PPARGC1A: variants seen among roughly 807,000 people sequenced by gnomAD.
The protein encoded by PPARGC1A is PPARG coactivator 1 alpha.
PPARGC1A carries 25 observed loss-of-function variants against 88.7 expected under a neutral mutation model. The observed-to-expected ratio is 0.28, with a 90% CI of 0.21 to 0.39. The LOEUF (loss-of-function observed/expected upper bound fraction) is 0.39, where lower values mean the gene tolerates loss of function less well. Among genes scored for constraint, PPARGC1A ranks in the 10% least tolerant of loss-of-function variants. The probability of loss-of-function intolerance (pLI) is 1.00; values close to 1 mark genes in which losing one functional copy is unlikely to be tolerated. For missense variants in PPARGC1A, 880 were observed against 968.7 expected (o/e 0.91, Z 1.22); for synonymous variants, 363 against 355.6 (o/e 1.02, Z -0.24).
chr4:23,806,473 G>A lies in PPARGC1A; in HGVS notation c.2020-4128C>T, dbSNP rs59561456. Reference sequence around the variant, plus strand: ...AGGAAAAGAAATCAAAATGCTTAATGACATTTTCAACTTCTTAAAGGCTTG... The same window carrying A: ...AGGAAAAGAAATCAAAATGCTTAATAACATTTTCAACTTCTTAAAGGCTTG... On this transcript the variant is annotated intron_variant, in intron 10 of 12. Coordinates refer to ENST00000264867, the MANE Select transcript of PPARGC1A (RefSeq NM_013261.5). 7.7e-3 allele frequency among the ~76,000 whole-genome samples: 1,173 copies of A among 152,268 alleles called. 11 individuals carry two copies. Among genetic ancestry groups the A allele is most frequent in the African/African-American group, 0.024 (1,008 of 41,554 alleles).
At chr4:24,438,359 G>A in the PPARGC1A span, among the ~76,000 whole-genome samples, 1 of 152,214 alleles carries the variant, frequency 6.6e-6, no homozygotes, top group East Asian at 1.9e-4. Context: ...CAGAGGCGAG[G>A]GTATGATACT....
chr4:23,926,305 C>T, the PPARGC1A span, among the ~76,000 whole-genome samples: 1 of 152,166 alleles, frequency 6.6e-6, no homozygotes, highest in African/African-American at 2.4e-5. Context: ...CCAACCTCAG[C>T]TGCTTGCCTG....
the PPARGC1A span, among the ~76,000 whole-genome samples, chr4:24,466,710 T>A: frequency 4.6e-3 from 692 of 150,460 alleles, 3 homozygotes; most frequent in African/African-American, 0.016. Flanking sequence ...AGGTCAGGAG[T>A]TCGAGACCAG....
the PPARGC1A span, among the ~76,000 whole-genome samples, chr4:24,237,477 T>C: frequency 2.6e-5 from 4 of 152,208 alleles, no homozygotes; most frequent in South Asian, 2.1e-4. Flanking sequence ...TTAGTTGAGA[T>C]GGTGTTTAGG....
chr4:24,155,211 A>G, the PPARGC1A span, among the ~76,000 whole-genome samples: 1 of 151,858 alleles, frequency 6.6e-6, no homozygotes, highest in Non-Finnish European at 1.5e-5. Flanking sequence ...TTAAATGTCT[A>G]GCAAAATATA....
chr4:24,446,537 G>A, the PPARGC1A span, among the ~76,000 whole-genome samples: 2 of 151,824 alleles, frequency 1.3e-5, no homozygotes, highest in Non-Finnish European at 2.9e-5. Context: ...GTGTGCTAAC[G>A]GCCAGAGGAA....
chr4:24,081,692 T>C, the PPARGC1A span, among the ~76,000 whole-genome samples: 7 of 152,072 alleles, frequency 4.6e-5, no homozygotes, highest in African/African-American at 1.4e-4. Context: ...CACTCTTTTA[T>C]AGGAAGGGGA....
chr4:24,014,803 CTT>C, the PPARGC1A span, among the ~76,000 whole-genome samples: 1 of 152,180 alleles, frequency 6.6e-6, no homozygotes, highest in Non-Finnish European at 1.5e-5. Context: ...GATTACCTCT[CTT>C]TTGATTAACT....
the PPARGC1A span, among the ~76,000 whole-genome samples, chr4:24,271,883 C>T: frequency 2.6e-5 from 4 of 152,078 alleles, no homozygotes; most frequent in Non-Finnish European, 4.4e-5. Flanking sequence ...TTGAGATAGA[C>T]ATGTATGTAT....
At chr4:23,797,055 A>C (rs1011784009) in intron 12 of PPARGC1A, among the ~76,000 whole-genome samples, 1 of 152,004 alleles carries the variant, frequency 6.6e-6, no homozygotes, top group African/African-American at 2.4e-5. Flanking sequence ...ACCTTTACAT[A>C]CCTAGATTTA....
intron 2 of PPARGC1A, among the ~76,000 whole-genome samples, chr4:23,850,352 A>T (rs184251724): frequency 6.6e-6 from 1 of 152,204 alleles, no homozygotes. Context: ...ATTTTCTTTG[A>T]GCTTCTGTGA....
At chr4:24,012,620 A>C in the PPARGC1A span, among the ~76,000 whole-genome samples, 1 of 152,180 alleles carries the variant, frequency 6.6e-6, no homozygotes, top group African/African-American at 2.4e-5. Flanking sequence ...CTTACTCATC[A>C]GCCTCCTAAG....
At chr4:24,290,359 AT>A in the PPARGC1A span, among the ~76,000 whole-genome samples, 5 of 152,016 alleles carry the variant, frequency 3.3e-5, no homozygotes, top group Admixed American at 3.3e-4. Context: ...AGTCTTTTAT[AT>A]TTTTTATACT....
the PPARGC1A span, among the ~76,000 whole-genome samples, chr4:24,111,396 GAT>G: frequency 6.6e-6 from 1 of 152,078 alleles, no homozygotes; most frequent in Admixed American, 6.5e-5. Context: ...CATTTAAAAA[GAT>G]ATTTTTTGAC....
chr4:24,095,140 CAG>C, the PPARGC1A span, among the ~76,000 whole-genome samples: 1 of 119,422 alleles, frequency 8.4e-6, no homozygotes, highest in Non-Finnish European at 1.6e-5. Flanking sequence ...TTTTCTGAGA[CAG>C]AGTCTCACTC....
intron 1 of PPARGC1A, among the ~76,000 whole-genome samples, chr4:23,895,466 T>C (rs1718441106): frequency 6.6e-6 from 1 of 151,938 alleles, no homozygotes; most frequent in South Asian, 2.1e-4. Context: ...TATACATATA[T>C]CCCAAACATG....
At chr4:24,422,070 G>A in the PPARGC1A span, among the ~76,000 whole-genome samples, 3 of 152,336 alleles carry the variant, frequency 2.0e-5, no homozygotes, top group South Asian at 6.2e-4. Context: ...TAAAGCAGGG[G>A]TCAGCAAACT....
chr4:24,089,502 TTTC>T, the PPARGC1A span, among the ~76,000 whole-genome samples: 1 of 94,164 alleles, frequency 1.1e-5, no homozygotes, highest in Non-Finnish European at 2.2e-5. Context: ...TTTCTTTTCT[TTTC>T]TTTTCTTTCT....
At chr4:24,193,641 A>T in the PPARGC1A span, among the ~76,000 whole-genome samples, 2 of 152,186 alleles carry the variant, frequency 1.3e-5, no homozygotes, top group Non-Finnish European at 2.9e-5. Context: ...GTTCAATGTC[A>T]TCTTTTACAA....
Sources: gnomAD v4.1 joint callset for allele counts (sites outside exome capture counted in the v4.1 genomes callset) on GRCh38, gnomAD v4.1.1 for gene constraint, MANE v1.5 for transcripts, NCBI Gene and HGNC (gene_info 2026-07-23, HGNC 2026-07-21) for gene names.